Variants in AGXT2 observed in about 807,000 individuals in gnomAD.
AGXT2 encodes the protein alanine--glyoxylate aminotransferase 2, also known as alanine--glyoxylate aminotransferase 2, mitochondrial.
AGXT2 carries 61 observed loss-of-function variants against 62.5 expected under a neutral mutation model. That is an observed-to-expected ratio of 0.98 (90% CI 0.79 to 1.21). The LOEUF (loss-of-function observed/expected upper bound fraction) is 1.21. Among genes scored for constraint, AGXT2 ranks in the 50% most tolerant of loss-of-function variants. The probability of loss-of-function intolerance (pLI) is 0.00; values close to 1 mark genes in which losing one functional copy is unlikely to be tolerated. For synonymous variants in AGXT2, 243 were observed against 218.7 expected (o/e 1.11, Z -0.98); for missense variants, 666 against 641.5 (o/e 1.04, Z -0.41).
At chr5:35,026,363 A>G in intron 8 of AGXT2, 47 bp downstream of exon 8, 2 of 1,476,474 alleles carry the variant, frequency 1.4e-6, no homozygotes, top group Non-Finnish European at 1.9e-6. Flanking sequence ...AAACTTTCTG[A>G]TAATTGAAGA....
At chr5:35,037,139 C>A in intron 3 of AGXT2, 74 bp from the exon 4 acceptor site, 1 of 1,603,692 alleles carries the variant, frequency 6.2e-7, no homozygotes, top group East Asian at 2.2e-5. Context: ...GTCATTGGAC[C>A]CAAATATACT....
At chr5:35,028,725 C>A (rs1767459964) in intron 7 of AGXT2, among the ~76,000 whole-genome samples, 2 of 152,048 alleles carry the variant, frequency 1.3e-5, no homozygotes, top group Non-Finnish European at 2.9e-5. Flanking sequence ...CTAAACAGTA[C>A]CATGCAGTCT....
At chr5:35,041,794 T>C (rs139954517) in intron 1 of AGXT2, among the ~76,000 whole-genome samples, 84 of 152,200 alleles carry the variant, frequency 5.5e-4, no homozygotes, top group Middle Eastern at 3.4e-3. Context: ...TAAATGAAGA[T>C]GGAAAGTAAC....
chr5:35,036,889 A>G (rs1767786754), intron 4 of AGXT2, 53 bp downstream of exon 4: 3 of 1,611,136 alleles, frequency 1.9e-6, no homozygotes, highest in South Asian at 1.1e-5. Context: ...TGGGAGCATC[A>G]TACCTTTTTT....
chr5:35,036,345 T>C (rs1767769763), intron 4 of AGXT2, among the ~76,000 whole-genome samples: 1 of 152,184 alleles, frequency 6.6e-6, no homozygotes, highest in Non-Finnish European at 1.5e-5. Context: ...TTGTTCTAGG[T>C]TCTTCACATG....
chr5:35,014,452 C>CA (rs61052930), intron 9 of AGXT2, among the ~76,000 whole-genome samples: 42,774 of 86,034 alleles, frequency 0.5, 10,995 homozygotes, highest in African/African-American at 0.64. Context: ...GACTCCATCT[C>CA]AAAAAAAAAA....
At chr5:35,035,034 A>G (rs753831177) in intron 5 of AGXT2, among the ~76,000 whole-genome samples, 188 bp downstream of exon 5, 11 of 152,222 alleles carry the variant, frequency 7.2e-5, no homozygotes, top group Non-Finnish European at 1.0e-4. Flanking sequence ...CCTCTCTTGT[A>G]TCAGGCCAAC....
intron 9 of AGXT2, among the ~76,000 whole-genome samples, chr5:35,021,294 G>A (rs1418331725): frequency 9.2e-5 from 14 of 152,058 alleles, no homozygotes; most frequent in Non-Finnish European, 1.6e-4. Flanking sequence ...AACAAAGCTG[G>A]AGGCATCACA....
chr5:35,028,696 C>T (rs113864453), intron 7 of AGXT2, among the ~76,000 whole-genome samples: 3 of 151,158 alleles, frequency 2.0e-5, no homozygotes, highest in African/African-American at 7.3e-5. Flanking sequence ...GAATTTTTAT[C>T]CACACCTGTT....
At chr5:35,036,890 T>A (rs1767786844) in intron 4 of AGXT2, 52 bp downstream of exon 4, 1 of 1,610,614 alleles carries the variant, frequency 6.2e-7, no homozygotes, top group South Asian at 1.1e-5. Flanking sequence ...GGGAGCATCA[T>A]ACCTTTTTTT....
At chr5:35,017,781 T>C (rs173157) in intron 9 of AGXT2, among the ~76,000 whole-genome samples, 69,624 of 151,932 alleles carry the variant, frequency 0.46, 16,340 homozygotes, top group African/African-American at 0.55. Context: ...CTCCAAGCTA[T>C]GAGAGGACAT....
At chr5:35,046,995 G>A (rs1237515290) in intron 1 of AGXT2, among the ~76,000 whole-genome samples, 1 of 152,204 alleles carries the variant, frequency 6.6e-6, no homozygotes, top group Non-Finnish European at 1.5e-5. Flanking sequence ...TTGCTGCAGA[G>A]AGGAGAGTCT....
At chr5:35,031,378 T>C (rs750653100) in intron 7 of AGXT2, among the ~76,000 whole-genome samples, 53 of 152,352 alleles carry the variant, frequency 3.5e-4, no homozygotes, top group Non-Finnish European at 6.8e-4. Flanking sequence ...TTTGCTATTA[T>C]GTCATCTGAA....
intron 6 of AGXT2, 90 bp from the exon 7 acceptor site, chr5:35,032,915 C>T (rs1486949383): frequency 2.9e-6 from 3 of 1,046,110 alleles, no homozygotes; most frequent in African/African-American, 3.2e-5. Context: ...GACAAGAGGG[C>T]TTCTTAGTTT....
chr5:35,039,490 C>T lies in AGXT2; in HGVS notation c.196G>A (p.Val66Ile). ...ERYQSLGYNRVLEIHKEHLSP... is the reference protein window; with the variant it reads ...ERYQSLGYNRILEIHKEHLSP... The stretch of plus-strand genomic sequence containing the variant: ...AGATGTTCCTTGTGGATTTCCAGGA[C>T]ACGGTTGTAGCCAAGGGACTGTAGA... The change falls in exon 3 of 14, where the codon GTC becomes ATC. Residue 66 changes from valine (V) to isoleucine (I), a missense_variant. Val to Ile is a conservative substitution (Grantham distance 29). Transcript: ENST00000231420. 6.2e-7 allele frequency: 1 copy of T among 1,613,930 alleles called. No individual in the cohort carries two copies.
chr5:35,004,215 A>T (rs999503018), intron 12 of AGXT2, among the ~76,000 whole-genome samples: 1 of 152,092 alleles, frequency 6.6e-6, no homozygotes, highest in Non-Finnish European at 1.5e-5. Flanking sequence ...TTATGTGGAA[A>T]TTTTCCTTAA....
chr5:35,037,326 CCTAGT>C, intron 3 of AGXT2, among the ~76,000 whole-genome samples: 1 of 152,236 alleles, frequency 6.6e-6, no homozygotes, highest in South Asian at 2.1e-4. Context: ...AAAAGAAATG[CCTAGT>C]TTAGGAGGAA....
intron 3 of AGXT2, 89 bp downstream of exon 3, chr5:35,039,235 T>C (rs191801096): frequency 7.0e-7 from 1 of 1,433,346 alleles, no homozygotes; most frequent in East Asian, 2.3e-5. Context: ...TAAACCAAGA[T>C]AAGCAAATCA....
chr5:35,044,407 T>A (rs1455202147), intron 1 of AGXT2, among the ~76,000 whole-genome samples: 1 of 152,214 alleles, frequency 6.6e-6, no homozygotes, highest in African/African-American at 2.4e-5. Context: ...CTGTTCGGTA[T>A]CATCCGCTCC....
Sources: allele counts gnomAD v4.1 joint callset (sites outside exome capture counted in the v4.1 genomes callset), GRCh38; gene constraint gnomAD v4.1.1; transcripts MANE v1.5; gene names NCBI Gene and HGNC (gene_info 2026-07-23, HGNC 2026-07-21).